CDH1: variants seen among roughly 807,000 people sequenced by gnomAD.
CDH1 encodes the protein cadherin-1.
CDH1 carries 35 observed loss-of-function variants against 84.5 expected under a neutral mutation model. The ratio of observed to expected loss-of-function variants is 0.41; its 90% confidence interval spans 0.32 to 0.55. The LOEUF (loss-of-function observed/expected upper bound fraction) is 0.55. CDH1 is among the 20% of genes least tolerant of loss of function. The pLI, the probability that CDH1 is intolerant of heterozygous loss-of-function variation, is 0.19. For synonymous variants in CDH1, 417 were observed against 439.0 expected (o/e 0.95, Z 0.63); for missense variants, 994 against 1,126.6 (o/e 0.88, Z 1.68).
At chr16:68,776,570 T>C (rs1959738845) in intron 2 of CDH1, among the ~76,000 whole-genome samples, 2 of 152,196 alleles carry the variant, frequency 1.3e-5, no homozygotes, top group Non-Finnish European at 2.9e-5. Flanking sequence ...GGTCTCACTA[T>C]ATTGCCCAGG....
Position 68,792,306 on chromosome 16 carries a change from T to G in CDH1, c.164-9364T>G, listed in dbSNP as rs537552848. Reference sequence around the variant, plus strand: ...GGGCAGTGGCGCAATCTTGACTCACTGCAACCTCCGCCTCCCAGGTTCAAG... The same window carrying G: ...GGGCAGTGGCGCAATCTTGACTCACGGCAACCTCCGCCTCCCAGGTTCAAG... On this transcript the variant is annotated intron_variant, in intron 2 of 15. Transcript: ENST00000261769. 4.0e-5 allele frequency among the ~76,000 whole-genome samples: 6 copies of G among 151,490 alleles called. No individual in the cohort carries two copies. The South Asian group carries it at 1.0e-3, about 26-fold the overall frequency.
At chr16:68,800,239 A>G (rs1435358939) in intron 2 of CDH1, among the ~76,000 whole-genome samples, 1 of 151,888 alleles carries the variant, frequency 6.6e-6, no homozygotes, top group East Asian at 1.9e-4. Context: ...AGAGAGGAAG[A>G]GCCAACCATG....
chr16:68,779,456 G>T (rs1300386159), intron 2 of CDH1, among the ~76,000 whole-genome samples: 1 of 152,242 alleles, frequency 6.6e-6, no homozygotes, highest in Non-Finnish European at 1.5e-5. Context: ...TTACCACTGT[G>T]AGTATTGCTT....
At chr16:68,750,071 C>G (rs571081067) in intron 2 of CDH1, among the ~76,000 whole-genome samples, 1 of 149,370 alleles carries the variant, frequency 6.7e-6, no homozygotes, top group Non-Finnish European at 1.5e-5. Context: ...CTTGGCCTCT[C>G]GAAGTGCTGG....
chr16:68,764,183 A>C (rs1959304060), intron 2 of CDH1, among the ~76,000 whole-genome samples: 1 of 152,208 alleles, frequency 6.6e-6, no homozygotes, highest in Admixed American at 6.5e-5. Flanking sequence ...GTGTGTGATC[A>C]GTTCACAGAT....
At chr16:68,782,558 C>T (rs1007224492) in intron 2 of CDH1, among the ~76,000 whole-genome samples, 2 of 152,198 alleles carry the variant, frequency 1.3e-5, no homozygotes, top group African/African-American at 4.8e-5. Flanking sequence ...TATCTAGACT[C>T]CAGGCCTAAG....
intron 2 of CDH1, among the ~76,000 whole-genome samples, chr16:68,785,485 C>G (rs1175590629): frequency 1.3e-5 from 2 of 152,136 alleles, no homozygotes; most frequent in Non-Finnish European, 2.9e-5. Flanking sequence ...AGCCACTATG[C>G]CTGACCAAGA....
Position 68,742,916 on chromosome 16 carries a change from T to G in CDH1, c.163+4505T>G, listed in dbSNP as rs115681839. 5.0e-3 allele frequency among the ~76,000 whole-genome samples: 757 copies of G among 152,288 alleles called. 7 individuals are homozygous for G. The highest frequency in any genetic ancestry group is 0.017 in the African/African-American group (718 of 41,556). On this transcript the variant is annotated intron_variant, in intron 2 of 15. Coordinates refer to ENST00000261769, the MANE Select transcript of CDH1 (RefSeq NM_004360.5). ...TACTCATGTCTGTGACAAAGGTTGA[T>G]CTGAGCTTACTGGGAAAGAAGACCA...
chr16:68,828,376 A>G (rs2152141700), intron 14 of CDH1, 72 bp downstream of exon 14: 2 of 1,530,016 alleles, frequency 1.3e-6, no homozygotes, highest in Non-Finnish European at 9.1e-7. Context: ...AGTAAGAGGT[A>G]GGCATTTGAA....
chr16:68,829,832 C>T (rs1596972979), intron 15 of CDH1, 35 bp downstream of exon 15: 10 of 1,602,150 alleles, frequency 6.2e-6, no homozygotes, highest in African/African-American at 5.3e-5. Context: ...AAGCATGGCT[C>T]ATCTCTAAGC....
intron 2 of CDH1, among the ~76,000 whole-genome samples, chr16:68,800,762 G>C (rs1435225936): frequency 6.6e-6 from 1 of 152,142 alleles, no homozygotes; most frequent in Non-Finnish European, 1.5e-5. Context: ...CCTCAGAAAG[G>C]CCTGCCCTCA....
chr16:68,738,521 C>A, intron 2 of CDH1, 110 bp downstream of exon 2: 2 of 663,444 alleles, frequency 3.0e-6, no homozygotes, highest in East Asian at 2.8e-5. Flanking sequence ...CCCTCCTTGG[C>A]TCAAACGACA....
chr16:68,739,361 G>A (rs1427266194), intron 2 of CDH1, among the ~76,000 whole-genome samples: 3 of 152,066 alleles, frequency 2.0e-5, no homozygotes, highest in African/African-American at 4.8e-5. Context: ...AGGTTGCAGT[G>A]AGCTGAGATA....
rs780705655 is a variant in CDH1 at position 68,812,272 on chromosome 16, A to T, written c.1137+9A>T. The T allele has an allele frequency of 1.2e-6, 2 of 1,613,836 alleles. No individual in the cohort carries two copies. Among genetic ancestry groups the T allele is most frequent in the Non-Finnish European group, 8.5e-7 (1 of 1,179,856 alleles). On this transcript the variant is annotated intron_variant, in intron 8 of 15. Transcript: ENST00000261769. ...TCTTCAATCCCACCACGGTAATTCT[A>T]TAACTCCTTAGAGGGTTTCCAAAGA... is the stretch of plus-strand genomic sequence containing the variant.
At chr16:68,825,075 C>G (rs556309341) in intron 13 of CDH1, among the ~76,000 whole-genome samples, 1 of 150,296 alleles carries the variant, frequency 6.7e-6, no homozygotes, top group Non-Finnish European at 1.5e-5. Flanking sequence ...GCAAGACTGT[C>G]TCTACAAAAT....
At chr16:68,781,947 C>T (rs200987908) in intron 2 of CDH1, among the ~76,000 whole-genome samples, 2 of 152,146 alleles carry the variant, frequency 1.3e-5, no homozygotes, top group Non-Finnish European at 2.9e-5. Context: ...ACTGCTAAGG[C>T]CTCAAGGAGG....
chr16:68,743,935 A>C (rs761622627), intron 2 of CDH1, among the ~76,000 whole-genome samples: 6 of 152,230 alleles, frequency 3.9e-5, no homozygotes, highest in Non-Finnish European at 8.8e-5. Flanking sequence ...TAGTTCACAA[A>C]AGTGAGTGCC....
chr16:68,828,901 G>A (rs1961402266), intron 14 of CDH1, among the ~76,000 whole-genome samples: 1 of 152,126 alleles, frequency 6.6e-6, no homozygotes, highest in Non-Finnish European at 1.5e-5. Context: ...CACAGAGTGA[G>A]GCACAATTTA....
chr16:68,816,416 A>G (rs890258202), intron 10 of CDH1, among the ~76,000 whole-genome samples: 1 of 152,236 alleles, frequency 6.6e-6, no homozygotes, highest in African/African-American at 2.4e-5. Context: ...GAGAACCCAC[A>G]TGCCAACCAA....
Sources: gnomAD v4.1 joint callset for allele counts (sites outside exome capture counted in the v4.1 genomes callset) on GRCh38, gnomAD v4.1.1 for gene constraint, MANE v1.5 for transcripts, NCBI Gene and HGNC (gene_info 2026-07-23, HGNC 2026-07-21) for gene names.